CHD1: variants seen among roughly 807,000 people sequenced by gnomAD.
CHD1 encodes ATP-dependent chromatin remodeler CHD1.
A neutral mutation model predicts 224.2 loss-of-function variants in CHD1; 36 were observed. That is an observed-to-expected ratio of 0.16 (90% CI 0.12 to 0.21). CHD1 has a LOEUF of 0.21. Among genes scored for constraint, CHD1 ranks in the 10% least tolerant of loss-of-function variants. CHD1 has a pLI of 1.00. For synonymous variants in CHD1, 668 were observed against 658.3 expected (o/e 1.01, Z -0.23); for missense variants, 1,378 against 1,994.8 (o/e 0.69, Z 5.89).
At chr5:98,861,895 A>G (rs1748505008) in intron 32 of CHD1, among the ~76,000 whole-genome samples, 2 of 152,082 alleles carry the variant, frequency 1.3e-5, no homozygotes, top group Non-Finnish European at 2.9e-5. Flanking sequence ...AAATAAAAAA[A>G]AAATTCCCCC....
intron 18 of CHD1, among the ~76,000 whole-genome samples, 173 bp from the exon 19 acceptor site, chr5:98,883,410 A>G (rs1750343789): frequency 6.6e-6 from 1 of 152,202 alleles, no homozygotes; most frequent in Non-Finnish European, 1.5e-5. Flanking sequence ...ACCAAATTCA[A>G]TACAGTGTTT....
intron 29 of CHD1, 75 bp from the exon 30 acceptor site, chr5:98,869,957 G>C: frequency 2.7e-6 from 3 of 1,104,944 alleles, no homozygotes; most frequent in Non-Finnish European, 3.9e-6. Context: ...TTAAATCCAA[G>C]GGCTAGAACA....
rs577409399 is a variant in CHD1, at chr5:98,921,826, G to A, written c.53+4508C>T. On this transcript the variant is annotated intron_variant, in intron 2 of 35. Transcript: ENST00000614616. Reference sequence around the variant, plus strand: ...CTTTAACCATATAGCCATTCCTGAAGTAAATCATCACTCAAGATAACTTAT... The same window carrying A: ...CTTTAACCATATAGCCATTCCTGAAATAAATCATCACTCAAGATAACTTAT... 2.8e-4 allele frequency among the ~76,000 whole-genome samples: 42 copies of A among 152,248 alleles called. No homozygotes were observed. The East Asian group carries it at 7.1e-3, about 26-fold the overall frequency.
intron 33 of CHD1, 62 bp from the exon 34 acceptor site, chr5:98,859,077 C>G (rs330421): frequency 0.28 from 353,250 of 1,266,216 alleles, 55,329 homozygotes; most frequent in African/African-American, 0.57. Context: ...CAAAAAAGCA[C>G]AGATAATTCT....
At chr5:98,886,385 TA>T (rs1750653079) in intron 17 of CHD1, among the ~76,000 whole-genome samples, 1 of 152,206 alleles carries the variant, frequency 6.6e-6, no homozygotes, top group African/African-American at 2.4e-5. Flanking sequence ...CTTCATAGAC[TA>T]TAGAGAACTC....
Position 98,868,601 on chromosome 5 carries a change from G to A in CHD1, c.4142C>T (p.Ser1381Phe), listed in dbSNP as rs1159019597. The stretch of plus-strand genomic sequence containing the variant: ...AGCATCTGACACTGAAGATTTCTTG[G>A]ATCTTTCCCTACCATCAGACTTGGA... ...SESKSDGRER[S>F]KKSSVSDAPV... The change falls in exon 31 of 36, where the codon TCC becomes TTC. Residue 1381 changes from serine to phenylalanine, a missense_variant. Around this residue, in one of 16 missense-constraint regions of CHD1, gnomAD observed 105 missense variants for 93.4 expected, o/e 1.12. Transcript: ENST00000614616. 1 of 1,604,736 alleles carries A rather than the reference G, an allele frequency of 6.2e-7. No individual in the cohort carries two copies. Among genetic ancestry groups the A allele is most frequent in the East Asian group, 2.2e-5 (1 of 44,694 alleles).
Position 98,868,602 on chromosome 5 carries a change from A to C in CHD1, c.4141T>G (p.Ser1381Ala). The C allele has an allele frequency of 6.2e-7, 1 of 1,605,166 alleles. No individual in the cohort carries two copies. Among genetic ancestry groups the C allele is most frequent in the Non-Finnish European group, 8.5e-7 (1 of 1,177,224 alleles). ...GCATCTGACACTGAAGATTTCTTGG[A>C]TCTTTCCCTACCATCAGACTTGGAT... Reference protein sequence around the residue: ...SESKSDGRERSKKSSVSDAPV... With the variant: ...SESKSDGRERAKKSSVSDAPV... Residue 1381 changes from serine (S) to alanine (A), a missense_variant, in exon 31 of 36, where the codon TCC becomes GCC. By Grantham distance (99) the Ser-to-Ala change is moderately conservative. Coordinates refer to ENST00000614616, the MANE Select transcript of CHD1 (RefSeq NM_001270.4).
Position 98,897,338 on chromosome 5 carries a change from A to G in CHD1, c.1366-18T>C. 1 of 1,522,934 alleles carries G rather than the reference A, an allele frequency of 6.6e-7. No homozygotes were observed. Among genetic ancestry groups the G allele is most frequent in the South Asian group, 1.2e-5 (1 of 84,036 alleles). The allele number at this position is 1,522,934 out of a possible 1,614,324, so 94.3% of individuals were successfully genotyped here. A position where few individuals can be genotyped will look rare whatever the true frequency, so the allele number is the denominator to read the frequency against. On this transcript the variant is annotated intron_variant, in intron 10 of 35. Transcript: ENST00000614616. ...TTTAATACCTTTAGTAGAAATAAAC[A>G]TTATTATGTAGAGTTATTAAATATA... is the stretch of plus-strand genomic sequence containing the variant.
At chr5:98,905,944 C>T (rs1348651501) in intron 2 of CHD1, among the ~76,000 whole-genome samples, 6 of 152,050 alleles carry the variant, frequency 3.9e-5, no homozygotes, top group African/African-American at 9.7e-5. Flanking sequence ...TGGTTGACTC[C>T]GCTTTTGATG....
intron 29 of CHD1, 81 bp from the exon 30 acceptor site, chr5:98,869,963 G>A (rs1175455046): frequency 9.8e-7 from 1 of 1,017,598 alleles, no homozygotes; most frequent in East Asian, 2.6e-5. Context: ...CCAAGGGCTA[G>A]AACACATATT....
intron 2 of CHD1, among the ~76,000 whole-genome samples, chr5:98,905,433 A>G (rs1751986898): frequency 6.6e-6 from 1 of 152,238 alleles, no homozygotes; most frequent in Non-Finnish European, 1.5e-5. Context: ...AGAAACTTTG[A>G]GAAGTCAAGA....
intron 31 of CHD1, among the ~76,000 whole-genome samples, chr5:98,866,098 C>G (rs1475434925): frequency 6.6e-6 from 1 of 152,024 alleles, no homozygotes; most frequent in Non-Finnish European, 1.5e-5. Flanking sequence ...CCACCCAATA[C>G]AGAGTAGGTA....
chr5:98,883,809 G>A, intron 18 of CHD1: 1 of 165,132 alleles, frequency 6.1e-6, no homozygotes, highest in Non-Finnish European at 1.1e-5. Flanking sequence ...CAGCAACCTA[G>A]ATGGGATTGG....
intron 2 of CHD1, among the ~76,000 whole-genome samples, chr5:98,920,627 T>C (rs908772422): frequency 3.9e-5 from 6 of 152,076 alleles, no homozygotes; most frequent in Non-Finnish European, 8.8e-5. Flanking sequence ...AGAAACCCTG[T>C]CTCTACTAAA....
chr5:98,873,239 T>C (rs190749495), intron 26 of CHD1, among the ~76,000 whole-genome samples: 3 of 152,290 alleles, frequency 2.0e-5, no homozygotes, highest in Admixed American at 2.0e-4. Flanking sequence ...ATATTTGCAT[T>C]ATATTTTCCC....
intron 2 of CHD1, among the ~76,000 whole-genome samples, chr5:98,915,518 G>A (rs1752678440): frequency 6.6e-6 from 1 of 152,200 alleles, no homozygotes. Flanking sequence ...GAGCAGATGA[G>A]AAATAAGGGC....
rs776466164 is a variant in CHD1, at chr5:98,885,596, A to G, written c.2550T>C (p.Phe850=). The G allele has an allele frequency of 4.6e-5, 73 of 1,600,362 alleles. 3 individuals carry two copies. The South Asian group carries it at 8.0e-4, about 18-fold the overall frequency. ...TACATACCTCTGATCCCTCAGCATT[A>G]AAATGATCTAGAGCTTGTTTCCTCA... ...GELRKQALDH[F]NAEGSEDFCF... The change falls in exon 18 of 36, where the codon TTT becomes TTC. Residue 850 remains phenylalanine, a synonymous_variant. Transcript: ENST00000614616.
At chr5:98,882,483 T>C (rs977350843) in intron 19 of CHD1, among the ~76,000 whole-genome samples, 1 of 151,958 alleles carries the variant, frequency 6.6e-6, no homozygotes, top group Non-Finnish European at 1.5e-5. Context: ...TAATGTTTCA[T>C]CACTCTATAT....
At chr5:98,880,492 TA>T (rs1243824463) in intron 22 of CHD1, among the ~76,000 whole-genome samples, 1 of 152,222 alleles carries the variant, frequency 6.6e-6, no homozygotes, top group Non-Finnish European at 1.5e-5. Context: ...AATTGATCTT[TA>T]AAAACCACAG....
Sources: gnomAD v4.1 joint callset for allele counts (sites outside exome capture counted in the v4.1 genomes callset) on GRCh38, gnomAD v4.1.1 for gene constraint, gnomAD v4.1.1 regional missense constraint, MANE v1.5 for transcripts, NCBI Gene and HGNC (gene_info 2026-07-23, HGNC 2026-07-21) for gene names.